Variants in PLXDC2 observed in about 807,000 individuals in gnomAD.
PLXDC2 encodes the protein plexin domain containing 2.
Under a neutral mutation model 68.9 loss-of-function variants are expected in PLXDC2, and 40 were observed. The ratio of observed to expected loss-of-function variants is 0.58; its 90% CI spans 0.45 to 0.76. PLXDC2 has a LOEUF of 0.76. Among genes scored for constraint, PLXDC2 ranks in the 30% least tolerant of loss-of-function variants. The pLI, the probability that PLXDC2 is intolerant of heterozygous loss-of-function variation, is 0.00. For synonymous variants in PLXDC2, 243 were observed against 234.2 expected (o/e 1.04, Z -0.34); for missense variants, 644 against 661.9 (o/e 0.97, Z 0.30).
At chr10:19,829,452 G>A (rs1420448339) in intron 1 of PLXDC2, among the ~76,000 whole-genome samples, 5 of 152,128 alleles carry the variant, frequency 3.3e-5, no homozygotes, top group Admixed American at 2.0e-4. Flanking sequence ...GTTTCTTTGA[G>A]CAAAATTTCT....
intron 12 of PLXDC2, among the ~76,000 whole-genome samples, chr10:20,238,662 A>AT (rs1554777529): frequency 1.7e-3 from 54 of 31,740 alleles, no homozygotes; most frequent in African/African-American, 3.9e-3. Context: ...TCTCAAAAAA[A>AT]ATATATATAT....
At chr10:20,189,568 T>C (rs10827990) in intron 9 of PLXDC2, among the ~76,000 whole-genome samples, 5,974 of 145,286 alleles carry the variant, frequency 0.041, 439 homozygotes, top group African/African-American at 0.14. Flanking sequence ...TATATATATA[T>C]ACACATATAT....
At chr10:19,853,937 AG>A (rs1386943316) in intron 1 of PLXDC2, among the ~76,000 whole-genome samples, 2 of 152,168 alleles carry the variant, frequency 1.3e-5, no homozygotes, top group African/African-American at 4.8e-5. Flanking sequence ...CCCTCTGCAC[AG>A]GCTCTGCAGA....
chr10:19,937,525 A>T, intron 1 of PLXDC2, among the ~76,000 whole-genome samples: 1 of 141,130 alleles, frequency 7.1e-6, no homozygotes, highest in Non-Finnish European at 1.5e-5. Context: ...ACTGGAATAC[A>T]TATCACATTA....
chr10:20,002,427 T>G (rs1243464007), intron 2 of PLXDC2, among the ~76,000 whole-genome samples: 1 of 152,026 alleles, frequency 6.6e-6, no homozygotes, highest in Non-Finnish European at 1.5e-5. Context: ...TTTTGGCTAT[T>G]TTTTGTATTT....
At chr10:19,857,097 C>T (rs1455650224) in intron 1 of PLXDC2, among the ~76,000 whole-genome samples, 3 of 152,272 alleles carry the variant, frequency 2.0e-5, no homozygotes, top group African/African-American at 7.2e-5. Context: ...CAAGAAGCAA[C>T]AAGTTACCTA....
At chr10:20,089,433 T>C (rs1833247737) in intron 4 of PLXDC2, among the ~76,000 whole-genome samples, 1 of 152,030 alleles carries the variant, frequency 6.6e-6, no homozygotes, top group Admixed American at 6.6e-5. Context: ...TTCGAGACTG[T>C]TGAGTAGTTC....
intron 2 of PLXDC2, among the ~76,000 whole-genome samples, chr10:20,028,210 C>G (rs1835434766): frequency 6.6e-6 from 1 of 152,128 alleles, no homozygotes; most frequent in Non-Finnish European, 1.5e-5. Context: ...ACTCTGCATT[C>G]CATCTCAAAA....
intron 3 of PLXDC2, among the ~76,000 whole-genome samples, chr10:20,052,722 C>CAAAAAAAAAAA (rs59776582): frequency 1.1e-5 from 1 of 92,810 alleles, no homozygotes; most frequent in Non-Finnish European, 2.4e-5. Context: ...ACAAATTATG[C>CAAAAAAAAAAA]AAAAAAAAAA....
chr10:20,135,106 T>C (rs1313513579), intron 4 of PLXDC2, among the ~76,000 whole-genome samples: 2 of 152,332 alleles, frequency 1.3e-5, no homozygotes, highest in East Asian at 1.9e-4. Flanking sequence ...TTTTTGTCCA[T>C]GGATGGTTGT....
intron 1 of PLXDC2, 25 bp downstream of exon 1, chr10:19,817,216 C>T (rs1177012492): frequency 6.5e-7 from 1 of 1,537,308 alleles, no homozygotes; most frequent in Non-Finnish European, 8.8e-7. Flanking sequence ...CTTTAGCTTG[C>T]TGATTTTGTG....
At chr10:20,117,524 G>C (rs893434273) in intron 4 of PLXDC2, among the ~76,000 whole-genome samples, 2 of 152,162 alleles carry the variant, frequency 1.3e-5, no homozygotes, top group Non-Finnish European at 2.9e-5. Context: ...GATTCGCCAG[G>C]TCTAAAGACA....
intron 6 of PLXDC2, among the ~76,000 whole-genome samples, chr10:20,163,293 T>G (rs1834330726): frequency 6.6e-6 from 1 of 152,116 alleles, no homozygotes; most frequent in Admixed American, 6.6e-5. Context: ...TTCCACAAAT[T>G]CCAAAAGCAA....
chr10:20,168,587 T>C (rs921285914), intron 7 of PLXDC2, among the ~76,000 whole-genome samples: 1 of 152,192 alleles, frequency 6.6e-6, no homozygotes, highest in African/African-American at 2.4e-5. Flanking sequence ...TCCATCTGTA[T>C]GTCTCGAAAT....
At chr10:20,130,312 T>C (rs1425200346) in intron 4 of PLXDC2, among the ~76,000 whole-genome samples, 2 of 152,162 alleles carry the variant, frequency 1.3e-5, no homozygotes, top group Non-Finnish European at 2.9e-5. Context: ...TAGTTTGTTG[T>C]TAGTGTATAG....
At chr10:19,967,262 A>G (rs1000320435) in intron 1 of PLXDC2, among the ~76,000 whole-genome samples, 1 of 152,232 alleles carries the variant, frequency 6.6e-6, no homozygotes, top group Admixed American at 6.5e-5. Context: ...ATGTGAGTTC[A>G]TTAGCATTCT....
At position 19,922,138 on chromosome 10, in the gene PLXDC2, C is replaced by T. The variant is rs561308181; in HGVS notation, c.113-79637C>T. ...CCTCCCAAAGTGCTGGGATTACAGG[C>T]GTGAGCCACCGTTCTCAGCCAGGAC... is the stretch of plus-strand genomic sequence containing the variant. On this transcript the variant is annotated intron_variant, in intron 1 of 13. Coordinates refer to ENST00000377252, the MANE Select transcript of PLXDC2 (RefSeq NM_032812.9). Among the ~76,000 whole-genome samples the T allele has an allele frequency of 1.1e-3, 160 of 152,276 alleles. 1 individual carries two copies. The highest frequency in any genetic ancestry group is 1.9e-3 in the Non-Finnish European group (132 of 68,024).
At chr10:20,121,928 G>A (rs1833702702) in intron 4 of PLXDC2, among the ~76,000 whole-genome samples, 2 of 152,080 alleles carry the variant, frequency 1.3e-5, no homozygotes, top group South Asian at 4.1e-4. Context: ...TCGGGGTAAG[G>A]GTGATTAGGT....
At chr10:20,256,362 A>G (rs1430306899) in intron 13 of PLXDC2, among the ~76,000 whole-genome samples, 5 of 151,650 alleles carry the variant, frequency 3.3e-5, no homozygotes, top group African/African-American at 1.2e-4. Context: ...CAAACTCCTG[A>G]CCTCAAATGA....
Sources: gnomAD v4.1 joint callset for allele counts (sites outside exome capture counted in the v4.1 genomes callset) on GRCh38, gnomAD v4.1.1 for gene constraint, MANE v1.5 for transcripts, NCBI Gene and HGNC (gene_info 2026-07-23, HGNC 2026-07-21) for gene names.